The following UBE2E2 variants were observed in gnomAD, a reference collection of about 807,000 sequenced individuals.
UBE2E2 encodes the protein ubiquitin-conjugating enzyme E2 E2.
Under a neutral mutation model 24.7 loss-of-function variants are expected in UBE2E2, and 6 were observed. That is an observed-to-expected ratio of 0.24 (90% CI 0.13 to 0.48). The LOEUF is 0.48. Ranked by LOEUF, UBE2E2 falls within the 20% of genes least tolerant of loss-of-function variation. The pLI is 0.99. For synonymous variants in UBE2E2, 104 were observed against 83.6 expected (o/e 1.24, Z -1.33); for missense variants, 169 against 245.0 (o/e 0.69, Z 2.07).
At chr3:23,412,666 A>T (rs551700660) in intron 3 of UBE2E2, among the ~76,000 whole-genome samples, 1 of 151,982 alleles carries the variant, frequency 6.6e-6, no homozygotes, top group African/African-American at 2.4e-5. Flanking sequence ...TTCAGAAACA[A>T]CTCTTCTTTC....
At chr3:23,524,452 C>T (rs1043399572) in intron 4 of UBE2E2, among the ~76,000 whole-genome samples, 4 of 152,162 alleles carry the variant, frequency 2.6e-5, no homozygotes, top group African/African-American at 9.7e-5. Flanking sequence ...TTCACAGCTA[C>T]TGTGGGTATA....
At chr3:23,463,148 T>A (rs1316269941) in intron 3 of UBE2E2, among the ~76,000 whole-genome samples, 1 of 152,098 alleles carries the variant, frequency 6.6e-6, no homozygotes, top group Non-Finnish European at 1.5e-5. Flanking sequence ...TACTTGTAAG[T>A]GCCCCTTACT....
chr3:23,307,487 A>G (rs1461760078), intron 3 of UBE2E2, among the ~76,000 whole-genome samples: 1 of 152,186 alleles, frequency 6.6e-6, no homozygotes, highest in Non-Finnish European at 1.5e-5. Context: ...ATTTTGCTCT[A>G]TCATTTAAAT....
At chr3:23,266,239 C>T in intron 3 of UBE2E2, among the ~76,000 whole-genome samples, 1 of 152,140 alleles carries the variant, frequency 6.6e-6, no homozygotes, top group East Asian at 1.9e-4. Context: ...TTCTTCCTAG[C>T]CTCGATGGTC....
intron 3 of UBE2E2, among the ~76,000 whole-genome samples, chr3:23,438,697 T>G (rs1266557371): frequency 6.6e-6 from 1 of 152,236 alleles, no homozygotes; most frequent in Non-Finnish European, 1.5e-5. Context: ...GTTTGATATA[T>G]GCTTGAAATA....
At chr3:23,457,710 C>A (rs35177750) in intron 3 of UBE2E2, among the ~76,000 whole-genome samples, 13,961 of 152,200 alleles carry the variant, frequency 0.092, 790 homozygotes, top group African/African-American at 0.12. Context: ...GAGATGGGAT[C>A]TCCCTGTGTT....
intron 3 of UBE2E2, among the ~76,000 whole-genome samples, chr3:23,326,771 C>T (rs562104275): frequency 1.3e-5 from 2 of 152,110 alleles, no homozygotes; most frequent in Admixed American, 1.3e-4. Flanking sequence ...TGCGCTGCAC[C>T]CATTAACTCG....
At chr3:23,257,925 C>G (rs373865437) in intron 3 of UBE2E2, among the ~76,000 whole-genome samples, 1 of 151,598 alleles carries the variant, frequency 6.6e-6, no homozygotes, top group African/African-American at 2.4e-5. Context: ...ATTTAGATCT[C>G]TTTCGTCTAT....
intron 3 of UBE2E2, among the ~76,000 whole-genome samples, chr3:23,246,442 G>A (rs563470483): frequency 2.8e-4 from 34 of 120,654 alleles, no homozygotes; most frequent in Middle Eastern, 6.9e-3. Flanking sequence ...TCAGTATGTT[G>A]GCCAGGATGG....
At chr3:23,284,401 G>A (rs2125373820) in intron 3 of UBE2E2, among the ~76,000 whole-genome samples, 1 of 152,134 alleles carries the variant, frequency 6.6e-6, no homozygotes. Flanking sequence ...AATAACGTAA[G>A]GTGATCTTAT....
chr3:23,406,529 A>G (rs368595309), intron 3 of UBE2E2, among the ~76,000 whole-genome samples: 9 of 152,226 alleles, frequency 5.9e-5, no homozygotes, highest in East Asian at 1.9e-4. Context: ...GTTGTTATGT[A>G]TCCGCTTGAA....
Position 23,217,332 on chromosome 3 carries a change from T to A in UBE2E2, c.227+20T>A, listed in dbSNP as rs1269212790. 1 of 1,609,002 alleles carries A rather than the reference T, an allele frequency of 6.2e-7. No individual in the cohort carries two copies. The highest frequency in any genetic ancestry group is 8.5e-7 in the Non-Finnish European group (1 of 1,175,976). On this transcript the variant is annotated intron_variant, in intron 3 of 5. Coordinates refer to ENST00000396703, the MANE Select transcript of UBE2E2 (RefSeq NM_152653.4). ...CTGTAGGTAAGTACTCATGGTTTTT[T>A]ATTTACTTGTATCTTTTGCAGAAGG...
intron 3 of UBE2E2, among the ~76,000 whole-genome samples, chr3:23,221,909 A>C (rs900048665): frequency 6.6e-6 from 1 of 152,190 alleles, no homozygotes; most frequent in African/African-American, 2.4e-5. Context: ...ATTGAGGTAA[A>C]ATATACATAC....
chr3:23,413,669 T>C (rs1258054392), intron 3 of UBE2E2, among the ~76,000 whole-genome samples: 1 of 152,206 alleles, frequency 6.6e-6, no homozygotes, highest in Non-Finnish European at 1.5e-5. Flanking sequence ...TTACCTTCTC[T>C]GTGTTCCCAC....
At chr3:23,356,164 A>C (rs1248888834) in intron 3 of UBE2E2, among the ~76,000 whole-genome samples, 1 of 152,212 alleles carries the variant, frequency 6.6e-6, no homozygotes, top group African/African-American at 2.4e-5. Context: ...TCTGGACCTT[A>C]CTCAGGGTCA....
intron 3 of UBE2E2, among the ~76,000 whole-genome samples, chr3:23,470,010 G>A (rs1453484711): frequency 6.6e-6 from 1 of 152,200 alleles, no homozygotes; most frequent in East Asian, 1.9e-4. Flanking sequence ...ACTAATGTGA[G>A]TCTTTAGGTA....
At chr3:23,228,509 T>G (rs889877730) in intron 3 of UBE2E2, among the ~76,000 whole-genome samples, 2 of 152,210 alleles carry the variant, frequency 1.3e-5, no homozygotes, top group African/African-American at 4.8e-5. Context: ...CTGTATTCTT[T>G]CATGTATCCA....
intron 5 of UBE2E2, among the ~76,000 whole-genome samples, chr3:23,575,978 C>A (rs538716104): frequency 6.6e-6 from 1 of 152,004 alleles, no homozygotes; most frequent in African/African-American, 2.4e-5. Flanking sequence ...GAAGAAAATG[C>A]GAGTTGCAGA....
chr3:23,211,921 G>A (rs932187443), intron 2 of UBE2E2, among the ~76,000 whole-genome samples: 1 of 152,108 alleles, frequency 6.6e-6, no homozygotes, highest in African/African-American at 2.4e-5. Flanking sequence ...ACAAACTTTG[G>A]AAAAATGAGG....
Sources: gnomAD v4.1 joint callset for allele counts (sites outside exome capture counted in the v4.1 genomes callset) on GRCh38, gnomAD v4.1.1 for gene constraint, MANE v1.5 for transcripts, NCBI Gene and HGNC (gene_info 2026-07-23, HGNC 2026-07-21) for gene names.